The following NIPBL variants were observed in gnomAD, a reference collection of about 807,000 sequenced individuals.
NIPBL encodes the protein NIPBL cohesin loading factor.
Under a neutral mutation model 321.8 loss-of-function variants are expected in NIPBL, and 19 were observed. The ratio of observed to expected loss-of-function variants is 0.06; its 90% CI spans 0.04 to 0.09. NIPBL has a LOEUF of 0.09. NIPBL is among the 10% of genes least tolerant of loss of function. The probability of loss-of-function intolerance (pLI) is 1.00; values close to 1 mark genes in which losing one functional copy is unlikely to be tolerated. For synonymous variants in NIPBL, 1,106 were observed against 1,114.1 expected (o/e 0.99, Z 0.14); for missense variants, 2,210 against 3,327.0 (o/e 0.66, Z 8.26).
chr5:36,953,469 T>C, intron 1 of NIPBL, 149 bp from the exon 2 acceptor site: 1 of 577,562 alleles, frequency 1.7e-6, no homozygotes, highest in Non-Finnish European at 3.1e-6. Context: ...TGCAATTGCT[T>C]AACATGTAAT....
chr5:36,920,424 C>T (rs1748843013), intron 1 of NIPBL, among the ~76,000 whole-genome samples: 1 of 152,160 alleles, frequency 6.6e-6, no homozygotes, highest in African/African-American at 2.4e-5. Flanking sequence ...ACAGATGTGA[C>T]TCTCAACTTT....
chr5:36,896,039 A>G (rs1334463541), intron 1 of NIPBL, among the ~76,000 whole-genome samples: 1 of 151,684 alleles, frequency 6.6e-6, no homozygotes, highest in African/African-American at 2.4e-5. Context: ...GGACAGGAAA[A>G]GTTACACCCG....
intron 1 of NIPBL, among the ~76,000 whole-genome samples, chr5:36,941,335 C>A (rs1426422516): frequency 6.6e-6 from 1 of 151,766 alleles, no homozygotes; most frequent in Non-Finnish European, 1.5e-5. Context: ...CTTTTCTATA[C>A]CCCCCAATTT....
chr5:36,940,554 TCTTA>T (rs780184300), intron 1 of NIPBL, among the ~76,000 whole-genome samples: 11 of 152,218 alleles, frequency 7.2e-5, no homozygotes, highest in Non-Finnish European at 1.3e-4. Context: ...CCTGTTTAAC[TCTTA>T]CTTATGAGAT....
At chr5:36,960,878 T>A (rs1741538426) in intron 4 of NIPBL, among the ~76,000 whole-genome samples, 1 of 152,194 alleles carries the variant, frequency 6.6e-6, no homozygotes. Context: ...AGGTTTTTAT[T>A]TTTTAATAAA....
intron 3 of NIPBL, 102 bp from the exon 4 acceptor site, chr5:36,958,001 AT>A: frequency 1.0e-6 from 1 of 984,700 alleles, no homozygotes; most frequent in Non-Finnish European, 1.5e-6. Context: ...AAAAAAAAAA[AT>A]TCATATTGTT....
intron 1 of NIPBL, among the ~76,000 whole-genome samples, chr5:36,952,049 TGTGTGCGCGCGCGC>T (rs1242154832): frequency 3.9e-4 from 44 of 113,784 alleles, no homozygotes; most frequent in Non-Finnish European, 5.3e-4. Context: ...TGTGTGTGTG[TGTGTGCGCGCGCGC>T]GCGCGCGCGC....
intron 1 of NIPBL, among the ~76,000 whole-genome samples, chr5:36,907,373 T>C (rs1400929203): frequency 2.0e-5 from 3 of 152,146 alleles, no homozygotes; most frequent in Admixed American, 1.3e-4. Context: ...AAGACTGTAA[T>C]ACATGTTCAT....
At chr5:36,915,236 T>G (rs1248359124) in intron 1 of NIPBL, among the ~76,000 whole-genome samples, 1 of 152,126 alleles carries the variant, frequency 6.6e-6, no homozygotes, top group Non-Finnish European at 1.5e-5. Context: ...TATATAAACT[T>G]TAGTAACATG....
At chr5:36,924,586 G>A (rs1220505330) in intron 1 of NIPBL, among the ~76,000 whole-genome samples, 3 of 152,092 alleles carry the variant, frequency 2.0e-5, no homozygotes, top group Admixed American at 1.3e-4. Context: ...ACAATGTCTG[G>A]TACCTTGTAG....
chr5:36,912,275 T>C (rs1000872490), intron 1 of NIPBL, among the ~76,000 whole-genome samples: 8 of 152,074 alleles, frequency 5.3e-5, no homozygotes, highest in Non-Finnish European at 1.2e-4. Flanking sequence ...ACACCTAAGT[T>C]AGAGAAGGAA....
At chr5:37,063,278 T>G (rs562089415) in intron 45 of NIPBL, among the ~76,000 whole-genome samples, 1 of 152,346 alleles carries the variant, frequency 6.6e-6, no homozygotes, top group East Asian at 1.9e-4. Flanking sequence ...GCTTTTCATA[T>G]TATTCATTGA....
Position 37,063,781 on chromosome 5 carries a change from T to C in NIPBL, c.7861-9T>C, listed in dbSNP as rs777258869. The C allele has an allele frequency of 1.9e-6, 3 of 1,609,726 alleles. No homozygotes were observed. In the Admixed American group the frequency reaches 5.0e-5, roughly 27 times the overall value. On this transcript the variant is annotated splice_polypyrimidine_tract_variant and intron_variant, in intron 45 of 46. Transcript: ENST00000282516. The stretch of plus-strand genomic sequence containing the variant: ...CTTAAAATTCTGAAATAATATCTGT[T>C]TTTTGTAGTTCAAACTTCTCATGGA...
At chr5:37,005,945 CTT>C (rs1747379692) in intron 16 of NIPBL, among the ~76,000 whole-genome samples, 1 of 152,190 alleles carries the variant, frequency 6.6e-6, no homozygotes, top group East Asian at 1.9e-4. Context: ...AGATTTTACC[CTT>C]TGTCATTAAT....
Position 37,049,076 on chromosome 5 carries a change from C to G in NIPBL, c.6764-35C>G, listed in dbSNP as rs144405762. The G allele has an allele frequency of 1.9e-3, 3,095 of 1,605,744 alleles. 3 individuals are homozygous for G. Among genetic ancestry groups the G allele is most frequent in the Non-Finnish European group, 2.4e-3 (2,784 of 1,172,732 alleles). ...ATTTAGTAAAGTTAGTATAGGTGCT[C>G]TTAATGTGTGTTTATCCTTTGCTTG... On this transcript the variant is annotated intron_variant, in intron 39 of 46. Transcript: ENST00000282516.
intron 32 of NIPBL, among the ~76,000 whole-genome samples, chr5:37,030,209 A>G (rs946666361): frequency 1.3e-5 from 2 of 152,120 alleles, no homozygotes; most frequent in Non-Finnish European, 2.9e-5. Flanking sequence ...TTTATTCTCT[A>G]GTCCCATTTA....
At position 36,972,036 on chromosome 5, in the gene NIPBL, C is replaced by T. The variant is rs777377733; in HGVS notation, c.863C>T (p.Pro288Leu). ...TCCCCTGCTGGAAGTGAAGGAACTC[C>T]TAAAGGTACTACTGTAACTAAAATT... is the stretch of plus-strand genomic sequence containing the variant. The part of the protein sequence containing the change: ...VCSPAGSEGT[P>L]KGSRPPLILQ... Residue 288 changes from proline (P) to leucine (L), a missense_variant, in exon 8 of 47, where the codon CCT (proline) becomes CTT (leucine). Pro to Leu is a moderately conservative substitution (Grantham distance 98, BLOSUM62 -3). Coordinates refer to ENST00000282516, the MANE Select transcript of NIPBL (RefSeq NM_133433.4). 3 of 1,603,842 alleles carry T rather than the reference C, an allele frequency of 1.9e-6. No homozygotes were observed. Among genetic ancestry groups the T allele is most frequent in the South Asian group, 1.1e-5 (1 of 90,808 alleles).
intron 1 of NIPBL, among the ~76,000 whole-genome samples, chr5:36,926,644 G>A (rs1476917955): frequency 6.6e-6 from 1 of 152,120 alleles, no homozygotes; most frequent in Non-Finnish European, 1.5e-5. Context: ...ATGTCACAAA[G>A]GTCAGCCCAG....
In NIPBL at chr5:37,000,561, C is replaced by T. The variant is rs540365485; in HGVS notation, c.3493C>T (p.Leu1165Phe). The change falls in exon 12 of 47, where the codon CTT becomes TTT. Residue 1165 changes from leucine to phenylalanine, a missense_variant. By Grantham distance (22) the Leu-to-Phe change is conservative. Coordinates refer to ENST00000282516, the MANE Select transcript of NIPBL (RefSeq NM_133433.4). ...GGAAGATTATTCTCCTCCTCCCAGC[C>T]TTAGTGAGGGTAATTCATCAGTGTC... ...DMEDYSPPPS[L>F]SEVARKMKKK... 3.7e-5 allele frequency: 60 copies of T among 1,613,014 alleles called. No individual in the cohort carries two copies. The highest frequency in any genetic ancestry group is 4.8e-5 in the Non-Finnish European group (57 of 1,179,358).
Sources: gnomAD v4.1 joint callset for allele counts (sites outside exome capture counted in the v4.1 genomes callset) on GRCh38, gnomAD v4.1.1 for gene constraint, MANE v1.5 for transcripts, NCBI Gene and HGNC (gene_info 2026-07-23, HGNC 2026-07-21) for gene names.